BCAN: variants seen among roughly 807,000 people sequenced by gnomAD.
BCAN encodes the protein brevican, also known as brevican core protein.
Under a neutral mutation model 92.4 loss-of-function variants are expected in BCAN, and 51 were observed. That is an observed-to-expected ratio of 0.55 (90% confidence interval 0.44 to 0.70). BCAN has a LOEUF of 0.70. BCAN is among the 30% of genes least tolerant of loss of function. The pLI, the probability that BCAN is intolerant of heterozygous loss-of-function variation, is 0.00. For synonymous variants in BCAN, 501 were observed against 505.2 expected (o/e 0.99, Z 0.11); for missense variants, 1,140 against 1,212.1 (o/e 0.94, Z 0.88).
chr1:156,649,989 A>T, intron 6 of BCAN: 1 of 517,210 alleles, frequency 1.9e-6, no homozygotes, highest in Admixed American at 2.0e-5. Context: ...CACTCCCAGG[A>T]TGAGGAGAGA....
At chr1:156,646,596 T>G in intron 2 of BCAN, 1 of 770,590 alleles carries the variant, frequency 1.3e-6, no homozygotes, top group Non-Finnish European at 1.9e-6. Context: ...CTTTGGGGGA[T>G]GGGTCTGGAG....
chr1:156,649,740 C>T (rs1309768416), intron 6 of BCAN, among the ~76,000 whole-genome samples: 2 of 152,152 alleles, frequency 1.3e-5, no homozygotes, highest in African/African-American at 4.8e-5. Context: ...GAGCGGGAGG[C>T]AGTTTCTGGG....
At chr1:156,646,019 A>G (rs760634334) in intron 1 of BCAN, 28 bp from the exon 2 acceptor site, 6 of 1,591,762 alleles carry the variant, frequency 3.8e-6, no homozygotes, top group Non-Finnish European at 5.2e-6. Flanking sequence ...GTCTAACCCC[A>G]TCTTTCCTTC....
Position 156,648,789 on chromosome 1 carries a change from A to C in BCAN, c.991A>C (p.Thr331Pro), listed in dbSNP as rs1571441975. 6.2e-7 allele frequency: 1 copy of C among 1,601,990 alleles called. No individual in the cohort carries two copies. Among genetic ancestry groups the C allele is most frequent in the Non-Finnish European group, 8.5e-7 (1 of 1,170,430 alleles). Residue 331 changes from threonine (T) to proline (P), a missense_variant, in exon 6 of 14, where the codon ACT becomes CCT. This residue lies in a region of BCAN where 825 missense variants were observed against 871.8 expected (regional missense o/e 0.95). Coordinates refer to ENST00000329117, the MANE Select transcript of BCAN (RefSeq NM_021948.5). ...RCGGGLPGVK[T>P]LFLFPNQTGF... ...TGGTGGGGGCTTGCCTGGTGTCAAG[A>C]CTCTCTTCCTCTTCCCCAACCAGAC... is the stretch of plus-strand genomic sequence containing the variant.
rs376981111 is a variant in BCAN, at chr1:156,650,125, G to GGTA, written c.1063+1289_1063+1291dup. 7.7e-3 allele frequency among the ~76,000 whole-genome samples: 1,172 copies of GGTA among 151,532 alleles called. 9 individuals carry two copies. Among genetic ancestry groups the GGTA allele is most frequent in the African/African-American group, 0.019 (778 of 41,240 alleles). ...ATCTGAAAAGACCTCCTGGAACAGG[G>GGTA]GTAGTAGTAGTAGTAGTAGTAGTAG... On this transcript the variant is annotated intron_variant, in intron 6 of 13. Coordinates refer to ENST00000329117, the MANE Select transcript of BCAN (RefSeq NM_021948.5).
In BCAN at chr1:156,658,837, C is replaced by T. The variant is rs1249718780; in HGVS notation, c.2628+104C>T. ...GTCACTGGCCATGTGACCTTGGAGC[C>T]ATCACTGCCCCTCTCTGAGGCAAAG... On this transcript the variant is annotated intron_variant, in intron 13 of 13. Coordinates refer to ENST00000329117, the MANE Select transcript of BCAN (RefSeq NM_021948.5). The surrounding 1 kb of genome is among the most constrained non-coding windows in gnomAD (Gnocchi z 4.4). 1 of 1,509,282 alleles carries T rather than the reference C, an allele frequency of 6.6e-7. No individual in the cohort carries two copies. The highest frequency in any genetic ancestry group is 1.4e-5 in the African/African-American group (1 of 72,690). The allele number at this position is 1,509,282 out of a possible 1,614,324, so 93.5% of individuals were successfully genotyped here.
chr1:156,657,895 C>G, intron 11 of BCAN, 138 bp downstream of exon 11: 1 of 844,362 alleles, frequency 1.2e-6, no homozygotes, highest in South Asian at 1.8e-5. Flanking sequence ...TGCCTCTTCT[C>G]CCTGGGCTCT....
chr1:156,647,791 C>T lies in BCAN; in HGVS notation c.641+109C>T, dbSNP rs111616542. 1.6e-4 allele frequency: 239 copies of T among 1,541,326 alleles called. 2 individuals carry two copies. The African/African-American group carries it at 2.9e-3, about 18-fold the overall frequency. On this transcript the variant is annotated intron_variant, in intron 4 of 13. Coordinates refer to ENST00000329117, the MANE Select transcript of BCAN (RefSeq NM_021948.5). The surrounding 1 kb of genome is among the most constrained non-coding windows in gnomAD (Gnocchi z 4.8). ...CAGGCTGGACATGCAGGGCTTTTTG[C>T]CTCTGGGGGATGAGGCTGGTCTGAG...
intron 7 of BCAN, 104 bp downstream of exon 7, chr1:156,651,793 C>A: frequency 9.4e-7 from 1 of 1,058,752 alleles, no homozygotes; most frequent in Non-Finnish European, 1.4e-6. Context: ...ATGACTCTGC[C>A]CTGTCCTTTC....
In BCAN at chr1:156,646,073, C is replaced by A. The variant is rs781233776; in HGVS notation, c.19C>A (p.Pro7Thr). MAQLFL[P>T]LLAALVLAQA... ...CTGCAGCATGGCCCAGCTGTTCCTG[C>A]CCCTGCTGGCAGCCCTGGTCCTGGC... Residue 7 changes from proline (P) to threonine (T), a missense_variant, in exon 2 of 14, where the codon CCC (proline) becomes ACC (threonine). Pro to Thr is a conservative substitution (Grantham distance 38, BLOSUM62 -1). Coordinates refer to ENST00000329117, the MANE Select transcript of BCAN (RefSeq NM_021948.5). The A allele has an allele frequency of 3.7e-6, 6 of 1,613,522 alleles. No homozygotes were observed. In the South Asian group the frequency reaches 6.6e-5, roughly 18 times the overall value.
At chr1:156,650,813 C>T (rs189655937) in intron 6 of BCAN, among the ~76,000 whole-genome samples, 12 of 152,304 alleles carry the variant, frequency 7.9e-5, no homozygotes, top group Admixed American at 6.5e-4. Flanking sequence ...TACGGTGGCA[C>T]ATGCCTGTAG....
rs1464014190 is a variant in BCAN, at chr1:156,642,508, T to A, written c.-9+233T>A. 1 of 152,372 alleles carries A rather than the reference T, an allele frequency of 6.6e-6. No individual in the cohort carries two copies. Among genetic ancestry groups the A allele is most frequent in the Admixed American group, 6.5e-5 (1 of 15,292 alleles). The allele number at this position is 152,372 out of a possible 1,614,324, so 9.4% of individuals were successfully genotyped here. A position where few individuals can be genotyped will look rare whatever the true frequency, so the allele number is the denominator to read the frequency against. ...CCAGCTCTGCCAGTGGCAGCCCCCC[T>A]GCTGCTCGCAGTCTGATCAGCAACC... On this transcript the variant is annotated intron_variant, in intron 1 of 13. Transcript: ENST00000329117. This position sits in a 1 kb window ranked among gnomAD's most constrained non-coding sequence, Gnocchi z 4.2.
intron 1 of BCAN, among the ~76,000 whole-genome samples, chr1:156,645,744 C>T (rs931414834): frequency 1.3e-5 from 2 of 152,126 alleles, no homozygotes; most frequent in Admixed American, 6.5e-5. Flanking sequence ...AGCACATGGT[C>T]CTATCTCAAC....
Position 156,656,345 on chromosome 1 carries a change from G to A in BCAN, c.2006G>A (p.Arg669His), listed in dbSNP as rs138466651. Residue 669 changes from arginine to histidine, a missense_variant, in exon 9 of 14, where the codon CGC (arginine) becomes CAC (histidine). Physicochemically the swap from Arg to His is conservative, Grantham distance 29. Coordinates refer to ENST00000329117, the MANE Select transcript of BCAN (RefSeq NM_021948.5). ...GTCLEEEEGV[R>H]CLCLPGYGGD... Reference sequence around the variant, plus strand: ...TGCTTGGAGGAGGAGGAAGGGGTCCGCTGCCTATGTCTGCCTGGCTATGGG... The same window carrying A: ...TGCTTGGAGGAGGAGGAAGGGGTCCACTGCCTATGTCTGCCTGGCTATGGG... 2.1e-5 allele frequency: 30 copies of A among 1,418,290 alleles called. No individual in the cohort carries two copies. In the African/African-American group the frequency reaches 3.9e-4, roughly 18 times the overall value. 87.9% of individuals were successfully genotyped at this position (1,418,290 alleles called of 1,614,324 possible). A position where few individuals can be genotyped will look rare whatever the true frequency, so the allele number is the denominator to read the frequency against.
At position 156,642,882 on chromosome 1, in the gene BCAN, C is replaced by T. The variant is rs184395268; in HGVS notation, c.-9+607C>T. 6.2e-4 allele frequency: 94 copies of T among 152,346 alleles called. No homozygotes were observed. The highest frequency in any genetic ancestry group is 2.2e-3 in the African/African-American group (90 of 41,570). The allele number at this position is 152,346 out of a possible 1,614,324, so 9.4% of individuals were successfully genotyped here. ...CAAAACATAAACAATCTTTTTCTCA[C>T]AGTTGAGGTTATCCACAGGAAGCAT... On this transcript the variant is annotated intron_variant, in intron 1 of 13. Coordinates refer to ENST00000329117, the MANE Select transcript of BCAN (RefSeq NM_021948.5). The surrounding 1 kb of genome is among the most constrained non-coding windows in gnomAD (Gnocchi z 4.2).
In BCAN at chr1:156,658,423, C is replaced by A; in HGVS notation, c.2438-120C>A. 6.9e-7 allele frequency: 1 copy of A among 1,458,334 alleles called. No individual in the cohort carries two copies. The highest frequency in any genetic ancestry group is 9.2e-7 in the Non-Finnish European group (1 of 1,083,058). The allele number at this position is 1,458,334 out of a possible 1,614,324, so 90.3% of individuals were successfully genotyped here. A position where few individuals can be genotyped will look rare whatever the true frequency, so the allele number is the denominator to read the frequency against. On this transcript the variant is annotated intron_variant, in intron 12 of 13. Coordinates refer to ENST00000329117, the MANE Select transcript of BCAN (RefSeq NM_021948.5). This position sits in a 1 kb window ranked among gnomAD's most constrained non-coding sequence, Gnocchi z 4.4. ...GGGAGAGCTAACAAGTTACGTGGGT[C>A]CACTCGGAATCCCTGATCTTTTTTT...
At chr1:156,654,772 G>A (rs929300922) in intron 8 of BCAN, among the ~76,000 whole-genome samples, 6 of 152,206 alleles carry the variant, frequency 3.9e-5, no homozygotes, top group Non-Finnish European at 5.9e-5. Context: ...TCTACCCTCT[G>A]TGGGGCCTGG....
In BCAN at chr1:156,642,419, G is replaced by A. The variant is rs1225263154; in HGVS notation, c.-9+144G>A. 2 of 152,444 alleles carry A rather than the reference G, an allele frequency of 1.3e-5. No homozygotes were observed. The highest frequency in any genetic ancestry group is 2.9e-5 in the Non-Finnish European group (2 of 68,224). The allele number at this position is 152,444 out of a possible 1,614,324, so 9.4% of individuals were successfully genotyped here. On this transcript the variant is annotated intron_variant, in intron 1 of 13. Transcript: ENST00000329117. This position sits in a 1 kb window ranked among gnomAD's most constrained non-coding sequence, Gnocchi z 4.2. ...CTCGTCGACTCCTGACACCGCAGCG[G>A]GGTAGGCTGCTGGACAGCCCCGAGC...
chr1:156,658,441 CT>C lies in BCAN; in HGVS notation c.2438-95del, dbSNP rs1679413587. On this transcript the variant is annotated intron_variant, in intron 12 of 13. Coordinates refer to ENST00000329117, the MANE Select transcript of BCAN (RefSeq NM_021948.5). The surrounding 1 kb of genome is among the most constrained non-coding windows in gnomAD (Gnocchi z 4.4). ...CGTGGGTCCACTCGGAATCCCTGATCTTTTTTTGTCATGTTGTGGCCCATTT... is the reference window on the plus strand; with the variant it reads ...CGTGGGTCCACTCGGAATCCCTGATCTTTTTTGTCATGTTGTGGCCCATTT... 9 of 1,485,164 alleles carry C rather than the reference CT, an allele frequency of 6.1e-6. No individual in the cohort carries two copies. Among genetic ancestry groups the C allele is most frequent in the Admixed American group, 2.1e-5 (1 of 48,010 alleles). 92.0% of individuals were successfully genotyped at this position (1,485,164 alleles called of 1,614,324 possible). A position where few individuals can be genotyped will look rare whatever the true frequency, so the allele number is the denominator to read the frequency against.
Sources: allele counts gnomAD v4.1 joint callset (sites outside exome capture counted in the v4.1 genomes callset), GRCh38; gene constraint gnomAD v4.1.1; regional missense constraint gnomAD v4.1.1; non-coding constraint Gnocchi (gnomAD v3.1); transcripts MANE v1.5; gene names NCBI Gene and HGNC (gene_info 2026-07-23, HGNC 2026-07-21).